SETBP1: variants seen among roughly 807,000 people sequenced by gnomAD.
The protein encoded by SETBP1 is SET-binding protein.
SETBP1 carries 9 observed loss-of-function variants against 101.0 expected under a neutral mutation model. The ratio of observed to expected loss-of-function variants is 0.09; its 90% CI spans 0.05 to 0.16. The LOEUF is 0.16. Among genes scored for constraint, SETBP1 ranks in the 10% least tolerant of loss-of-function variants. The probability of loss-of-function intolerance (pLI) is 1.00; values close to 1 mark genes in which losing one functional copy is unlikely to be tolerated. For synonymous variants in SETBP1, 818 were observed against 788.5 expected (o/e 1.04, Z -0.63); for missense variants, 1,858 against 2,033.8 (o/e 0.91, Z 1.66).
At chr18:44,746,068 G>T (rs2070238798) in intron 2 of SETBP1, among the ~76,000 whole-genome samples, 1 of 152,156 alleles carries the variant, frequency 6.6e-6, no homozygotes, top group Non-Finnish European at 1.5e-5. Flanking sequence ...TGCCATTTCT[G>T]TTGGGATGTC....
At chr18:44,924,800 G>A (rs1464668042) in intron 3 of SETBP1, among the ~76,000 whole-genome samples, 1 of 152,072 alleles carries the variant, frequency 6.6e-6, no homozygotes, top group East Asian at 1.9e-4. Context: ...CCTCAACCTT[G>A]GGGATAACTG....
chr18:44,838,774 G>A (rs1004487466), intron 2 of SETBP1, among the ~76,000 whole-genome samples: 4 of 152,010 alleles, frequency 2.6e-5, no homozygotes, highest in African/African-American at 7.3e-5. Context: ...AATTACTTAC[G>A]TTCTGAATCT....
At chr18:44,920,848 G>A (rs1224117214) in intron 3 of SETBP1, among the ~76,000 whole-genome samples, 2 of 152,138 alleles carry the variant, frequency 1.3e-5, no homozygotes, top group Admixed American at 6.5e-5. Flanking sequence ...TACTGGCATC[G>A]GCATAGTCAC....
chr18:44,874,979 G>A (rs1032271667), intron 3 of SETBP1, among the ~76,000 whole-genome samples: 5 of 152,216 alleles, frequency 3.3e-5, no homozygotes, highest in Non-Finnish European at 7.3e-5. Flanking sequence ...TGTGACAGCA[G>A]CTGATGTTTC....
chr18:44,730,783 A>G (rs1282228470), intron 2 of SETBP1, among the ~76,000 whole-genome samples: 3 of 152,220 alleles, frequency 2.0e-5, no homozygotes. Context: ...TCTAGATGAT[A>G]AGATTGTCCT....
At chr18:44,751,985 G>T (rs1007703182) in intron 2 of SETBP1, among the ~76,000 whole-genome samples, 2 of 152,030 alleles carry the variant, frequency 1.3e-5, no homozygotes, top group Non-Finnish European at 2.9e-5. Flanking sequence ...TTCTCTAAAG[G>T]CTTCACTAAC....
At chr18:44,925,886 G>T in intron 3 of SETBP1, among the ~76,000 whole-genome samples, 1 of 152,180 alleles carries the variant, frequency 6.6e-6, no homozygotes, top group Non-Finnish European at 1.5e-5. Flanking sequence ...AGAGAGGTTA[G>T]GTTACTTGCC....
chr18:44,886,881 A>G (rs2069661867), intron 3 of SETBP1, among the ~76,000 whole-genome samples: 1 of 152,034 alleles, frequency 6.6e-6, no homozygotes, highest in African/African-American at 2.4e-5. Context: ...GAGTTCCTCC[A>G]AAGTGACGAA....
chr18:44,782,029 G>A (rs907155956), intron 2 of SETBP1, among the ~76,000 whole-genome samples: 5 of 152,130 alleles, frequency 3.3e-5, no homozygotes, highest in Admixed American at 6.5e-5. Context: ...ACTTATCTTG[G>A]GTATTGCATT....
chr18:44,935,487 A>G (rs983619930), intron 3 of SETBP1, among the ~76,000 whole-genome samples: 3 of 152,112 alleles, frequency 2.0e-5, no homozygotes, highest in South Asian at 2.1e-4. Context: ...TTCTGCCTGC[A>G]TGACTGTCTC....
chr18:44,833,914 G>A (rs1412530216), intron 2 of SETBP1, among the ~76,000 whole-genome samples: 1 of 152,210 alleles, frequency 6.6e-6, no homozygotes, highest in African/African-American at 2.4e-5. Context: ...TAAAAGGTGA[G>A]GCCTGCAAGG....
chr18:44,875,336 G>T (rs1047128322), intron 3 of SETBP1, among the ~76,000 whole-genome samples: 6 of 151,882 alleles, frequency 4.0e-5, no homozygotes, highest in Non-Finnish European at 8.8e-5. Flanking sequence ...TGGCCAACAT[G>T]GTGAAACCTC....
At chr18:44,919,643 C>T (rs576957708) in intron 3 of SETBP1, among the ~76,000 whole-genome samples, 2 of 151,816 alleles carry the variant, frequency 1.3e-5, no homozygotes, top group Non-Finnish European at 1.5e-5. Flanking sequence ...CCACCATGCC[C>T]GGCTAGATCC....
At chr18:44,707,400 A>C (rs1011996737) in intron 2 of SETBP1, among the ~76,000 whole-genome samples, 6 of 152,220 alleles carry the variant, frequency 3.9e-5, no homozygotes, top group Admixed American at 3.9e-4. Flanking sequence ...TTTGCTTTTG[A>C]CAAAAATACA....
chr18:44,786,961 T>C (rs967402480), intron 2 of SETBP1, among the ~76,000 whole-genome samples: 23 of 152,222 alleles, frequency 1.5e-4, no homozygotes, highest in Non-Finnish European at 4.4e-5. Context: ...AAATTTGCTG[T>C]CTATTTGAAG....
At position 44,708,753 on chromosome 18, in the gene SETBP1, G is replaced by T. The variant is rs971011253; in HGVS notation, c.486+6921G>T. Among the ~76,000 whole-genome samples, 57 of 151,648 alleles carry T rather than the reference G, an allele frequency of 3.8e-4. 1 individual carries two copies. Among genetic ancestry groups the T allele is most frequent in the Non-Finnish European group, 1.8e-4 (12 of 67,932 alleles). The stretch of plus-strand genomic sequence containing the variant: ...CATGTTCAAAAAAAAGAAAAGAAAA[G>T]AAAAGAAAAGAAAAAGATGAAGAAG... On this transcript the variant is annotated intron_variant, in intron 2 of 5. Coordinates refer to ENST00000649279, the MANE Select transcript of SETBP1 (RefSeq NM_015559.3).
chr18:44,882,552 G>C (rs1479422739), intron 3 of SETBP1, among the ~76,000 whole-genome samples: 1 of 151,244 alleles, frequency 6.6e-6, no homozygotes, highest in Non-Finnish European at 1.5e-5. Flanking sequence ...TATGATAAAG[G>C]CCTCTTTGCC....
intron 4 of SETBP1, among the ~76,000 whole-genome samples, chr18:44,994,636 C>T (rs2072452189): frequency 6.6e-6 from 1 of 152,130 alleles, no homozygotes; most frequent in Non-Finnish European, 1.5e-5. Context: ...CTGGACACAA[C>T]TTGGTTGCCC....
chr18:44,742,708 C>A (rs1285119784), intron 2 of SETBP1, among the ~76,000 whole-genome samples: 1 of 152,172 alleles, frequency 6.6e-6, no homozygotes, highest in African/African-American at 2.4e-5. Context: ...GGCCAGCCTG[C>A]CTCTGTGTCC....
Sources: allele counts gnomAD v4.1 joint callset (sites outside exome capture counted in the v4.1 genomes callset), GRCh38; gene constraint gnomAD v4.1.1; transcripts MANE v1.5; gene names NCBI Gene and HGNC (gene_info 2026-07-23, HGNC 2026-07-21).